SIPA1L1: variants seen among roughly 807,000 people sequenced by gnomAD.
SIPA1L1 encodes the protein signal induced proliferation associated 1 like 1.
In SIPA1L1, 26 loss-of-function variants were observed where a neutral mutation model predicts 162.7. That is an observed-to-expected ratio of 0.16 (90% CI 0.12 to 0.22). The LOEUF is 0.22. SIPA1L1 is among the 10% of genes least tolerant of loss of function. The probability of loss-of-function intolerance (pLI) is 1.00; values close to 1 mark genes in which losing one functional copy is unlikely to be tolerated. For missense variants in SIPA1L1, 1,874 were observed against 2,241.0 expected, an observed-to-expected ratio of 0.84 and a Z score of 3.31; for synonymous variants, 829 against 837.4, an observed-to-expected ratio of 0.99 and a Z score of 0.17.
At chr14:71,698,866 A>G in intron 13 of SIPA1L1, 115 bp from the exon 14 acceptor site, 1 of 1,090,574 alleles carries the variant, frequency 9.2e-7, no homozygotes, top group Non-Finnish European at 1.3e-6. Context: ...CTTCATTTTC[A>G]CTATCTCCAT....
Position 71,730,201 on chromosome 14 carries a change from C to G in SIPA1L1, c.4761C>G (p.Ala1587=), listed in dbSNP as rs1443668574. 6 of 1,614,176 alleles carry G rather than the reference C, an allele frequency of 3.7e-6. No homozygotes were observed. Among genetic ancestry groups the G allele is most frequent in the Non-Finnish European group, 5.1e-6 (6 of 1,180,046 alleles). The change falls in exon 20 of 24, where the codon GCC becomes GCG. Residue 1587 remains alanine, a synonymous_variant. Coordinates refer to ENST00000381232, the MANE Select transcript of SIPA1L1 (RefSeq NM_001386936.1). Reference sequence around the variant, plus strand: ...CCAGGGCGTCACTTCTGGACCAAGCCCTGCCCAACGACGTCCTCTTCAGTA... The same window carrying G: ...CCAGGGCGTCACTTCTGGACCAAGCGCTGCCCAACGACGTCCTCTTCAGTA... ...FTSRASLLDQ[A]LPNDVLFSST...
At chr14:71,623,999 G>A in intron 6 of SIPA1L1, 49 bp from the exon 7 acceptor site, 2 of 1,496,544 alleles carry the variant, frequency 1.3e-6, no homozygotes, top group Non-Finnish European at 1.8e-6. Context: ...CATGTGTTCA[G>A]GCATCTCACA....
chr14:71,533,787 C>A lies in SIPA1L1; in HGVS notation c.-303+4417C>A, dbSNP rs540752249. ...ACATATGCTGAGTTAAATTGAAAGA[C>A]TTTAGAGTGAGTTTCTAAAAAACTG... On this transcript the variant is annotated intron_variant, in intron 4 of 23. Coordinates refer to ENST00000381232, the MANE Select transcript of SIPA1L1 (RefSeq NM_001386936.1). 1.1e-4 allele frequency among the ~76,000 whole-genome samples: 17 copies of A among 152,260 alleles called. 2 individuals carry two copies. In the South Asian group the frequency reaches 3.5e-3, roughly 32 times the overall value.
chr14:71,611,399 TTTAA>T, intron 5 of SIPA1L1, among the ~76,000 whole-genome samples: 1 of 152,316 alleles, frequency 6.6e-6, no homozygotes, highest in East Asian at 1.9e-4. Context: ...TTTAATTTAA[TTTAA>T]TTTAATGTTA....
intron 19 of SIPA1L1, among the ~76,000 whole-genome samples, chr14:71,727,031 A>G (rs962435592): frequency 2.0e-5 from 3 of 152,098 alleles, no homozygotes; most frequent in African/African-American, 7.2e-5. Context: ...GTTTTTGTTA[A>G]TATTGAGTGG....
At chr14:71,603,951 T>A (rs1356455941) in intron 5 of SIPA1L1, among the ~76,000 whole-genome samples, 2 of 144,584 alleles carry the variant, frequency 1.4e-5, no homozygotes, top group South Asian at 2.1e-4. Context: ...CTATATATAT[T>A]TATATATATT....
Position 71,589,137 on chromosome 14 carries a change from G to A in SIPA1L1, c.1265G>A (p.Gly422Asp). The A allele has an allele frequency of 6.2e-7, 1 of 1,614,112 alleles. No homozygotes were observed. Among genetic ancestry groups the A allele is most frequent in the Non-Finnish European group, 8.5e-7 (1 of 1,179,972 alleles). Residue 422 changes from glycine to aspartate, a missense_variant, in exon 5 of 24, where the codon GGT becomes GAT. Coordinates refer to ENST00000381232, the MANE Select transcript of SIPA1L1 (RefSeq NM_001386936.1). Reference sequence around the variant, plus strand: ...TGTCCATATTTTCGGAATGAGATAGGTGGAGAAGGGGAGAGGAAAATCAGC... The same window carrying A: ...TGTCCATATTTTCGGAATGAGATAGATGGAGAAGGGGAGAGGAAAATCAGC... Reference protein sequence around the residue: ...MSCPYFRNEIGGEGERKISLS... With the variant: ...MSCPYFRNEIDGEGERKISLS...
At position 71,358,428 on chromosome 14, in the gene SIPA1L1, A is replaced by G. The variant is rs1294909246; in HGVS notation, c.-465+37247A>G. Among the ~76,000 whole-genome samples, 4 of 152,296 alleles carry G rather than the reference A, an allele frequency of 2.6e-5. No individual in the cohort carries two copies. In the South Asian group the frequency reaches 6.2e-4, roughly 24 times the overall value. On this transcript the variant is annotated intron_variant, in intron 2 of 23. Transcript: ENST00000381232. Reference sequence around the variant, plus strand: ...TAACTCTTTTGCTAAAGCATTTGCCATTACGTGTATAGTCGGTACAAGTTA... The same window carrying G: ...TAACTCTTTTGCTAAAGCATTTGCCGTTACGTGTATAGTCGGTACAAGTTA...
Position 71,709,676 on chromosome 14 carries a change from T to A in SIPA1L1, c.4208+12T>A, listed in dbSNP as rs372673210. On this transcript the variant is annotated intron_variant, in intron 17 of 23. Coordinates refer to ENST00000381232, the MANE Select transcript of SIPA1L1 (RefSeq NM_001386936.1). ...GCTTCCCACACAAGGTAACCACCCT[T>A]CCCCGCTGTCTGATTCCCAGCCCAG... 6 of 1,599,728 alleles carry A rather than the reference T, an allele frequency of 3.8e-6. No individual in the cohort carries two copies. Among genetic ancestry groups the A allele is most frequent in the Non-Finnish European group, 5.1e-6 (6 of 1,171,588 alleles).
chr14:71,405,433 C>T (rs1048040976), intron 2 of SIPA1L1, among the ~76,000 whole-genome samples: 1 of 152,146 alleles, frequency 6.6e-6, no homozygotes, highest in African/African-American at 2.4e-5. Context: ...AAACTTGGCT[C>T]CTACTCTAAT....
intron 2 of SIPA1L1, among the ~76,000 whole-genome samples, chr14:71,471,867 T>C (rs2047487336): frequency 6.6e-6 from 1 of 152,198 alleles, no homozygotes; most frequent in African/African-American, 2.4e-5. Flanking sequence ...TGAGGTCAGC[T>C]AATTATTGAA....
chr14:71,423,068 G>A (rs2043303559), intron 2 of SIPA1L1, among the ~76,000 whole-genome samples: 1 of 152,150 alleles, frequency 6.6e-6, no homozygotes, highest in African/African-American at 2.4e-5. Flanking sequence ...TTTCTCTAAT[G>A]CTTAGTGATG....
intron 2 of SIPA1L1, among the ~76,000 whole-genome samples, chr14:71,440,672 A>G (rs1158375616): frequency 7.1e-6 from 1 of 140,978 alleles, no homozygotes; most frequent in Non-Finnish European, 1.6e-5. Flanking sequence ...AAAAAAAAAA[A>G]GGAAAAGTAA....
intron 21 of SIPA1L1, 128 bp downstream of exon 21, chr14:71,733,940 G>C: frequency 1.0e-6 from 1 of 979,808 alleles, no homozygotes; most frequent in Non-Finnish European, 1.5e-6. Context: ...CAGTTACTGA[G>C]CATTCAGTAG....
At chr14:71,618,259 C>T (rs1191734258) in intron 5 of SIPA1L1, among the ~76,000 whole-genome samples, 2 of 152,246 alleles carry the variant, frequency 1.3e-5, no homozygotes, top group African/African-American at 4.8e-5. Context: ...ACACAGGCCA[C>T]CTGGGAGCAG....
intron 6 of SIPA1L1, among the ~76,000 whole-genome samples, chr14:71,620,898 C>G (rs970702840): frequency 2.0e-5 from 3 of 152,172 alleles, no homozygotes; most frequent in Non-Finnish European, 4.4e-5. Context: ...GTTTCCTTAG[C>G]CTTTGACTGA....
intron 4 of SIPA1L1, among the ~76,000 whole-genome samples, chr14:71,577,069 CAAAAAA>C (rs747771194): frequency 9.0e-6 from 1 of 111,566 alleles, no homozygotes; most frequent in Middle Eastern, 5.2e-3. Context: ...GGTGACAGAG[CAAAAAA>C]AAAAAAAAAA....
intron 2 of SIPA1L1, among the ~76,000 whole-genome samples, chr14:71,505,787 CTTCATT>C (rs2143960494): frequency 1.3e-5 from 2 of 152,218 alleles, no homozygotes; most frequent in Non-Finnish European, 2.9e-5. Context: ...ACAGTTTGCA[CTTCATT>C]GATGTTTCGG....
At chr14:71,689,513 A>G (rs193106087) in intron 13 of SIPA1L1, among the ~76,000 whole-genome samples, 3 of 152,246 alleles carry the variant, frequency 2.0e-5, no homozygotes, top group African/African-American at 7.2e-5. Context: ...TGAACTTGAT[A>G]CATTACTGTG....
Sources: allele counts gnomAD v4.1 joint callset (sites outside exome capture counted in the v4.1 genomes callset), GRCh38; gene constraint gnomAD v4.1.1; transcripts MANE v1.5; gene names NCBI Gene and HGNC (gene_info 2026-07-23, HGNC 2026-07-21).